The following CLSTN2 variants were observed in gnomAD, a reference collection of about 807,000 sequenced individuals.
CLSTN2 encodes the protein calsyntenin-2.
A neutral mutation model predicts 101.2 loss-of-function variants in CLSTN2; 48 were observed. The ratio of observed to expected loss-of-function variants is 0.47; its 90% CI spans 0.38 to 0.60. The LOEUF (loss-of-function observed/expected upper bound fraction) is 0.60. CLSTN2 is among the 20% of genes least tolerant of loss of function. The probability of loss-of-function intolerance (pLI) is 0.00; values close to 1 mark genes in which losing one functional copy is unlikely to be tolerated. For missense variants in CLSTN2, 1,160 were observed against 1,238.2 expected (o/e 0.94, Z 0.95); for synonymous variants, 481 against 463.6 (o/e 1.04, Z -0.48).
chr3:140,476,694 T>G (rs1933992338), intron 8 of CLSTN2, among the ~76,000 whole-genome samples: 1 of 148,834 alleles, frequency 6.7e-6, no homozygotes. Flanking sequence ...GAGTCTCGCC[T>G]GTGGTCCAGA....
intron 8 of CLSTN2, among the ~76,000 whole-genome samples, chr3:140,487,764 C>T (rs1337763453): frequency 6.6e-6 from 1 of 152,206 alleles, no homozygotes. Flanking sequence ...TAGTAATAGC[C>T]CTGTCACATG....
At chr3:140,102,582 T>C (rs1276644291) in intron 1 of CLSTN2, among the ~76,000 whole-genome samples, 2 of 152,200 alleles carry the variant, frequency 1.3e-5, no homozygotes, top group Non-Finnish European at 2.9e-5. Context: ...GGAAGTAATT[T>C]CCTTATGCAG....
intron 1 of CLSTN2, among the ~76,000 whole-genome samples, chr3:140,013,319 G>T (rs1455638991): frequency 2.0e-5 from 3 of 152,256 alleles, no homozygotes; most frequent in Admixed American, 6.5e-5. Flanking sequence ...TAGGGCTGGG[G>T]GTGAAGTCTG....
chr3:140,296,255 A>G (rs1207558242), intron 2 of CLSTN2, among the ~76,000 whole-genome samples: 2 of 152,214 alleles, frequency 1.3e-5, no homozygotes, highest in African/African-American at 2.4e-5. Flanking sequence ...TAGAATCACT[A>G]TGTCAGTTCC....
intron 1 of CLSTN2, among the ~76,000 whole-genome samples, chr3:140,011,507 T>A (rs2007073023): frequency 6.6e-6 from 1 of 152,154 alleles, no homozygotes; most frequent in South Asian, 2.1e-4. Context: ...TCTCTGAACC[T>A]CAGAATCCAT....
intron 7 of CLSTN2, among the ~76,000 whole-genome samples, chr3:140,465,308 A>G (rs111458903): frequency 1.8e-4 from 27 of 152,338 alleles, no homozygotes; most frequent in African/African-American, 6.0e-4. Flanking sequence ...GCACAGCTCC[A>G]AGCCTCCCAG....
intron 2 of CLSTN2, among the ~76,000 whole-genome samples, chr3:140,281,419 G>T (rs1269202835): frequency 6.6e-6 from 1 of 152,136 alleles, no homozygotes; most frequent in Non-Finnish European, 1.5e-5. Flanking sequence ...CACCTGTGGG[G>T]CAGCTGGTAC....
Position 140,157,160 on chromosome 3 carries a change from G to A in CLSTN2, c.110-18791G>A, listed in dbSNP as rs147044182. Among the ~76,000 whole-genome samples the A allele has an allele frequency of 2.2e-3, 341 of 151,962 alleles. 1 individual carries two copies. The highest frequency in any genetic ancestry group is 7.8e-3 in the African/African-American group (323 of 41,348). On this transcript the variant is annotated intron_variant, in intron 1 of 16. Transcript: ENST00000458420. The stretch of plus-strand genomic sequence containing the variant: ...AGAAAAAGATTGCTAGCATTTTGTT[G>A]AGGATTTTTGTGTCTGTTTAGTGGA...
At chr3:140,514,632 T>C (rs1255965415) in intron 8 of CLSTN2, among the ~76,000 whole-genome samples, 1 of 152,206 alleles carries the variant, frequency 6.6e-6, no homozygotes, top group Non-Finnish European at 1.5e-5. Context: ...TCTTTTCCTC[T>C]GGGTAGATTC....
At chr3:140,140,500 C>T (rs77007282) in intron 1 of CLSTN2, among the ~76,000 whole-genome samples, 2,035 of 152,178 alleles carry the variant, frequency 0.013, 42 homozygotes, top group African/African-American at 0.045. Flanking sequence ...GGGGAAGGCA[C>T]GAACCCCTGC....
At chr3:140,171,869 A>ATATATAATATATATAT (rs2010241541) in intron 1 of CLSTN2, among the ~76,000 whole-genome samples, 3 of 122,078 alleles carry the variant, frequency 2.5e-5, no homozygotes, top group Non-Finnish European at 4.9e-5. Context: ...TATAATAACA[A>ATATATAATATATATAT]TATATAATAT....
At chr3:140,020,481 A>C (rs899050192) in intron 1 of CLSTN2, among the ~76,000 whole-genome samples, 2 of 151,870 alleles carry the variant, frequency 1.3e-5, no homozygotes, top group African/African-American at 4.8e-5. Context: ...CTCTCTTTCT[A>C]CCCCTGCAAC....
chr3:139,954,821 T>A (rs1236356161), intron 1 of CLSTN2, among the ~76,000 whole-genome samples: 2 of 152,076 alleles, frequency 1.3e-5, no homozygotes, highest in Admixed American at 1.3e-4. Context: ...ATTTCAGGTA[T>A]TTCAGGTAAG....
At chr3:140,138,756 G>A (rs561633003) in intron 1 of CLSTN2, among the ~76,000 whole-genome samples, 32 of 152,306 alleles carry the variant, frequency 2.1e-4, no homozygotes, top group South Asian at 1.0e-3. Context: ...GTTGAGCCAG[G>A]CCTTCTAGAA....
intron 8 of CLSTN2, among the ~76,000 whole-genome samples, chr3:140,473,586 C>T (rs1416786560): frequency 6.6e-6 from 1 of 152,158 alleles, no homozygotes; most frequent in Admixed American, 6.5e-5. Context: ...AGGAATGCAG[C>T]AGCCTCTAGA....
At chr3:140,119,551 G>A (rs1228685312) in intron 1 of CLSTN2, among the ~76,000 whole-genome samples, 1 of 152,294 alleles carries the variant, frequency 6.6e-6, no homozygotes, top group East Asian at 1.9e-4. Flanking sequence ...GTCTTGCTCT[G>A]TTGCCCAGGC....
At chr3:139,972,891 C>T (rs556145952) in intron 1 of CLSTN2, among the ~76,000 whole-genome samples, 2 of 152,338 alleles carry the variant, frequency 1.3e-5, no homozygotes, top group African/African-American at 4.8e-5. Context: ...AATGAATAGA[C>T]AGAAATGGCC....
chr3:140,209,594 G>A (rs996284399), intron 2 of CLSTN2, among the ~76,000 whole-genome samples: 4 of 152,046 alleles, frequency 2.6e-5, no homozygotes, highest in African/African-American at 7.3e-5. Flanking sequence ...GCTGCTGCTA[G>A]TCAGGAGCTT....
chr3:140,221,165 C>G (rs1217024498), intron 2 of CLSTN2, among the ~76,000 whole-genome samples: 1 of 152,120 alleles, frequency 6.6e-6, no homozygotes, highest in African/African-American at 2.4e-5. Flanking sequence ...ACACAGCAAC[C>G]CATTGCAGGG....
Sources: allele counts gnomAD v4.1 joint callset (sites outside exome capture counted in the v4.1 genomes callset), GRCh38; gene constraint gnomAD v4.1.1; transcripts MANE v1.5; gene names NCBI Gene and HGNC (gene_info 2026-07-23, HGNC 2026-07-21).